The following NAA11 variants were observed in gnomAD, a reference collection of about 807,000 sequenced individuals.
NAA11 encodes N-alpha-acetyltransferase 11, NatA catalytic subunit, also known as N-alpha-acetyltransferase 11.
A neutral mutation model predicts 16.1 loss-of-function variants in NAA11; 15 were observed. That is an observed-to-expected ratio of 0.93 (90% CI 0.62 to 1.44). The LOEUF is 1.44. Ranked by LOEUF, NAA11 falls within the 40% of genes most tolerant of loss-of-function variation. The pLI, the probability that NAA11 is intolerant of heterozygous loss-of-function variation, is 0.00. For synonymous variants in NAA11, 122 were observed against 112.4 expected, an observed-to-expected ratio of 1.09 and a Z score of -0.54; for missense variants, 298 against 291.3, an observed-to-expected ratio of 1.02 and a Z score of -0.17.
chr4:79,156,816 A>G, the NAA11 span, among the ~76,000 whole-genome samples: 2 of 152,236 alleles, frequency 1.3e-5, no homozygotes, highest in African/African-American at 4.8e-5. Context: ...ACTTGTATCC[A>G]AATCTTCTTA....
chr4:79,311,385 TC>T (rs1723765188), intron 1 of NAA11, among the ~76,000 whole-genome samples: 1 of 152,186 alleles, frequency 6.6e-6, no homozygotes, highest in African/African-American at 2.4e-5. Context: ...AGTCTTTTTT[TC>T]ACCTTGCCTT....
In NAA11 at chr4:79,268,858, C is replaced by T. The variant is rs1278456599; in HGVS notation, c.*122+25147G>A. ...CAATGCTATCCCTCCCCCCTCCCCC[C>T]ACCCCACCACAGTCCCCAGAGTGTG... On this transcript the variant is annotated intron_variant and NMD_transcript_variant, in intron 2 of 2. Coordinates refer to the NAA11 transcript ENST00000511542. Among the ~76,000 whole-genome samples, 6 of 114,444 alleles carry T rather than the reference C, an allele frequency of 5.2e-5. No homozygotes were observed. In the Admixed American group the frequency reaches 5.9e-4, roughly 11 times the overall value. 75.1% of individuals were successfully genotyped at this position (114,444 alleles called of 152,430 possible). A position where few individuals can be genotyped will look rare whatever the true frequency, so the allele number is the denominator to read the frequency against.
chr4:79,191,134 C>T, the NAA11 span, among the ~76,000 whole-genome samples: 4 of 152,196 alleles, frequency 2.6e-5, no homozygotes, highest in Admixed American at 6.5e-5. Flanking sequence ...AGTGAACGTT[C>T]GCGTGCATGT....
At chr4:79,241,308 A>G (rs1283172231) in intron 2 of NAA11, among the ~76,000 whole-genome samples, 1 of 152,238 alleles carries the variant, frequency 6.6e-6, no homozygotes, top group Non-Finnish European at 1.5e-5. Context: ...TATAATACAT[A>G]TAACATACAA....
At chr4:79,221,372 C>A (rs1721184714), downstream of NAA11, among the ~76,000 whole-genome samples, 1 of 139,296 alleles carries the variant, frequency 7.2e-6, no homozygotes, top group African/African-American at 2.7e-5. Context: ...TTATTTCCTT[C>A]TCCTGCCTAA....
chr4:79,290,584 G>T (rs1220024347), intron 2 of NAA11, among the ~76,000 whole-genome samples: 6 of 152,112 alleles, frequency 3.9e-5, no homozygotes, highest in Admixed American at 1.3e-4. Context: ...AATGAAACTC[G>T]TTTGAAAACA....
chr4:79,266,502 T>C (rs2109977264), intron 2 of NAA11, among the ~76,000 whole-genome samples: 1 of 152,314 alleles, frequency 6.6e-6, no homozygotes, highest in South Asian at 2.1e-4. Context: ...ATGATGGAAT[T>C]GCTAGTTCAG....
chr4:79,158,177 A>T, the NAA11 span, among the ~76,000 whole-genome samples: 1 of 92,130 alleles, frequency 1.1e-5, no homozygotes. Context: ...CTGGGATTAC[A>T]GCCGTGAGAC....
rs1270066825 is a variant in NAA11, at chr4:79,326,048, G to A, written c.-171C>T. ...GGCGGAAGGAGCAGGAGATGGAAAA[G>A]ATGGTGCCAAACTGCGGCTTTCAGA... On this transcript the variant is annotated 5_prime_UTR_variant, in exon 1 of 2. Transcript: ENST00000286794. 1.1e-5 allele frequency: 7 copies of A among 619,880 alleles called. No individual in the cohort carries two copies. The highest frequency in any genetic ancestry group is 2.0e-5 in the Non-Finnish European group (7 of 347,730). 38.4% of individuals were successfully genotyped at this position (619,880 alleles called of 1,614,324 possible).
chr4:79,159,061 T>C, the NAA11 span, among the ~76,000 whole-genome samples: 1 of 151,952 alleles, frequency 6.6e-6, no homozygotes, highest in Non-Finnish European at 1.5e-5. Flanking sequence ...CAAAAGCAAA[T>C]GCAAGAAAAG....
the NAA11 span, among the ~76,000 whole-genome samples, chr4:79,202,362 A>G: frequency 6.6e-6 from 1 of 151,008 alleles, no homozygotes; most frequent in Admixed American, 6.6e-5. Flanking sequence ...TTTCCTCATT[A>G]TATTTTTGAA....
downstream of NAA11, among the ~76,000 whole-genome samples, chr4:79,311,812 T>C (rs891844300): frequency 6.6e-6 from 1 of 152,100 alleles, no homozygotes; most frequent in African/African-American, 2.4e-5. Flanking sequence ...CCAACAATTA[T>C]AAAGAAGATA....
chr4:79,237,878 A>T (rs915361269), intron 2 of NAA11, among the ~76,000 whole-genome samples: 3 of 152,202 alleles, frequency 2.0e-5, no homozygotes, highest in Non-Finnish European at 4.4e-5. Flanking sequence ...GTTTCCGTAG[A>T]TCTGCAAATC....
chr4:79,158,153 G>A, the NAA11 span, among the ~76,000 whole-genome samples: 6 of 144,888 alleles, frequency 4.1e-5, no homozygotes, highest in South Asian at 2.1e-4. Flanking sequence ...CGCCTGCCTC[G>A]GCCTCCCAAA....
chr4:79,243,188 T>A (rs1721732028), intron 2 of NAA11, among the ~76,000 whole-genome samples: 1 of 152,098 alleles, frequency 6.6e-6, no homozygotes, highest in Admixed American at 6.6e-5. Flanking sequence ...TGTCCCCAGG[T>A]TTTGAAGACC....
At chr4:79,184,756 T>C in the NAA11 span, among the ~76,000 whole-genome samples, 1 of 152,204 alleles carries the variant, frequency 6.6e-6, no homozygotes, top group Non-Finnish European at 1.5e-5. Flanking sequence ...AAAAACGTCT[T>C]TTGTGGAAAT....
chr4:79,208,822 T>C, the NAA11 span, among the ~76,000 whole-genome samples: 1 of 150,656 alleles, frequency 6.6e-6, no homozygotes, highest in African/African-American at 2.4e-5. Context: ...AAACTAATAA[T>C]TTGGATTTGG....
At chr4:79,323,820 CAAAAAAAG>C (rs1396768873) in intron 1 of NAA11, among the ~76,000 whole-genome samples, 2 of 149,698 alleles carry the variant, frequency 1.3e-5, no homozygotes, top group Non-Finnish European at 3.0e-5. Flanking sequence ...GACTCCATCT[CAAAAAAAG>C]AAAAAAAGAT....
At chr4:79,235,312 G>A (rs1322336987) in intron 2 of NAA11, among the ~76,000 whole-genome samples, 3 of 152,066 alleles carry the variant, frequency 2.0e-5, no homozygotes, top group African/African-American at 4.8e-5. Flanking sequence ...CTAGCACCTC[G>A]GAGCCAGTGA....
Sources: gnomAD v4.1 joint callset for allele counts (sites outside exome capture counted in the v4.1 genomes callset) on GRCh38, gnomAD v4.1.1 for gene constraint, MANE v1.5 for transcripts, NCBI Gene and HGNC (gene_info 2026-07-23, HGNC 2026-07-21) for gene names.